HOXA1: variants seen among roughly 807,000 people sequenced by gnomAD.
The protein encoded by HOXA1 is homeobox protein Hox-A1.
HOXA1 carries 21 observed loss-of-function variants against 28.3 expected under a neutral mutation model. The ratio of observed to expected loss-of-function variants is 0.74; its 90% confidence interval spans 0.53 to 1.07. The LOEUF is 1.07. HOXA1 is among the 50% of genes least tolerant of loss of function. The pLI is 0.00. For synonymous variants in HOXA1, 208 were observed against 181.2 expected (o/e 1.15, Z -1.19); for missense variants, 446 against 434.3 (o/e 1.03, Z -0.24).
At position 27,095,501 on chromosome 7, in the gene HOXA1, G is replaced by A. The variant is rs2128033081; in HGVS notation, c.412C>T (p.Pro138Ser). 1 of 1,614,148 alleles carries A rather than the reference G, an allele frequency of 6.2e-7. No individual in the cohort carries two copies. Among genetic ancestry groups the A allele is most frequent in the African/African-American group, 1.3e-5 (1 of 75,028 alleles). ...TGGTGGTGGTGATGCTGGACCATGG[G>A]AGATGAGAGATTTCCAGAGTAAACA... ...PAVYSGNLSS[P>S]MVQHHHHHQG... Residue 138 changes from proline (P) to serine (S), a missense_variant, in exon 1 of 2, where the codon CCC becomes TCC. Transcript: ENST00000643460.
At position 27,094,587 on chromosome 7, in the gene HOXA1, A is replaced by G; in HGVS notation, c.861T>C (p.Arg287=). ...AGATGGGCAAGAGACCCTCCTTCTC[A>G]CGTTTCTTTTGCTTCATTCGGCGGT... is the stretch of plus-strand genomic sequence containing the variant. ...FQNRRMKQKK[R]EKEGLLPISP... is the part of the protein sequence containing the mutation. Residue 287 remains arginine (R), a synonymous_variant, in exon 2 of 2, where the codon CGT becomes CGC. Transcript: ENST00000643460. The G allele has an allele frequency of 6.2e-7, 1 of 1,614,172 alleles. No homozygotes were observed. The highest frequency in any genetic ancestry group is 1.6e-4 in the Middle Eastern group (1 of 6,062).
chr7:27,093,488 G>A lies in HOXA1; in HGVS notation c.*952C>T, dbSNP rs1783748063. 1 of 152,610 alleles carries A rather than the reference G, an allele frequency of 6.6e-6. No individual in the cohort carries two copies. The highest frequency in any genetic ancestry group is 6.5e-5 in the Admixed American group (1 of 15,276). The allele number at this position is 152,610 out of a possible 1,614,324, so 9.5% of individuals were successfully genotyped here. A position where few individuals can be genotyped will look rare whatever the true frequency, so the allele number is the denominator to read the frequency against. On this transcript the variant is annotated 3_prime_UTR_variant, in exon 2 of 2. Coordinates refer to ENST00000643460, the MANE Select transcript of HOXA1 (RefSeq NM_005522.5). ...ACTTTGGGGACATCAAACATTGTGC[G>A]ACATGCAAAAGACTATTCACGAATA...
rs1783790597 is a variant in HOXA1, at chr7:27,095,243, C to T, written c.652+18G>A. The T allele has an allele frequency of 6.2e-7, 1 of 1,613,610 alleles. No homozygotes were observed. The highest frequency in any genetic ancestry group is 8.5e-7 in the Non-Finnish European group (1 of 1,179,630). On this transcript the variant is annotated intron_variant, in intron 1 of 1. Coordinates refer to ENST00000643460, the MANE Select transcript of HOXA1 (RefSeq NM_005522.5). The stretch of plus-strand genomic sequence containing the variant: ...TTCCAGAATAATCAAGGAGCATCCA[C>T]CAACCAGCAGGACTGACCTGTTTTG...
intron 1 of HOXA1, 50 bp from the exon 2 acceptor site, chr7:27,094,845 C>G: frequency 7.2e-7 from 1 of 1,389,656 alleles, no homozygotes; most frequent in Non-Finnish European, 1.0e-6. Flanking sequence ...ATTTTTAAAT[C>G]GACTTGAGAT....
Position 27,095,330 on chromosome 7 carries a change from C to T in HOXA1, c.583G>A (p.Ala195Thr), listed in dbSNP as rs868863680. 2 of 1,613,560 alleles carry T rather than the reference C, an allele frequency of 1.2e-6. No individual in the cohort carries two copies. The highest frequency in any genetic ancestry group is 2.7e-5 in the African/African-American group (2 of 74,736). ...ASHQEACRSP[A>T]SETSSPAQTF... is the part of the protein sequence containing the mutation. ...TGCGCTGGAGAAGATGTCTCCGATG[C>T]GGGGGAGCGACAGGCTTCTTGGTGG... Residue 195 changes from alanine to threonine, a missense_variant, in exon 1 of 2, where the codon GCA becomes ACA. Ala to Thr is a moderately conservative substitution (Grantham distance 58, BLOSUM62 0). Coordinates refer to ENST00000643460, the MANE Select transcript of HOXA1 (RefSeq NM_005522.5).
chr7:27,095,156 A>T, intron 1 of HOXA1, 105 bp downstream of exon 1: 3 of 1,289,818 alleles, frequency 2.3e-6, no homozygotes, highest in Non-Finnish European at 3.3e-6. Context: ...CTAGTCTGAT[A>T]CAAAAGCCTT....
chr7:27,095,145 A>G, intron 1 of HOXA1, 116 bp downstream of exon 1: 1 of 1,159,296 alleles, frequency 8.6e-7, no homozygotes, highest in South Asian at 1.3e-5. Flanking sequence ...GCACTACAAC[A>G]CTAGTCTGAT....
rs370896322 is a variant in HOXA1, at chr7:27,095,826, G to C, written c.87C>G (p.Pro29=). ...GGAAAGTTGTAATCCTATGGTCCGA[G>C]GGGTAGGCTCGGGCTGAGCAGGTCC... ...DSGTCSARAY[P]SDHRITTFQS... The change falls in exon 1 of 2, where the codon CCC becomes CCG. Residue 29 remains proline, a synonymous_variant. Transcript: ENST00000643460. 118 of 1,614,044 alleles carry C rather than the reference G, an allele frequency of 7.3e-5. No homozygotes were observed. Among genetic ancestry groups the C allele is most frequent in the South Asian group, 2.9e-4 (26 of 91,084 alleles).
intron 1 of HOXA1, 129 bp downstream of exon 1, chr7:27,095,132 C>T: frequency 2.9e-6 from 3 of 1,022,544 alleles, no homozygotes; most frequent in Non-Finnish European, 4.5e-6. Flanking sequence ...GCACCCTCTC[C>T]ATGCACTACA....
chr7:27,093,191 G>C lies in HOXA1; in HGVS notation c.*1249C>G, dbSNP rs973397854. On this transcript the variant is annotated 3_prime_UTR_variant, in exon 2 of 2. Coordinates refer to ENST00000643460, the MANE Select transcript of HOXA1 (RefSeq NM_005522.5). ...GTTATTAACTTTTATTCAAGAAAAG[G>C]CCCATCTCTTTGAAAATATTTACCA... The C allele has an allele frequency of 2.0e-5, 3 of 152,514 alleles. No homozygotes were observed. Among genetic ancestry groups the C allele is most frequent in the African/African-American group, 7.2e-5 (3 of 41,398 alleles). 9.4% of individuals were successfully genotyped at this position (152,514 alleles called of 1,614,324 possible). A position where few individuals can be genotyped will look rare whatever the true frequency, so the allele number is the denominator to read the frequency against.
chr7:27,095,691 G>C lies in HOXA1; in HGVS notation c.222C>G (p.His74Gln), dbSNP rs370583131. 1.9e-6 allele frequency: 3 copies of C among 1,545,384 alleles called. No individual in the cohort carries two copies. Among genetic ancestry groups the C allele is most frequent in the South Asian group, 1.1e-5 (1 of 88,704 alleles). Reference protein sequence around the residue: ...PHHHHHHHHRHPQPATYQTSG... With the variant: ...PHHHHHHHHRQPQPATYQTSG... ...AAGTCTGGTAGGTAGCCGGCTGGGG[G>C]TGGCGATGGTGGTGGTGGTGGTGGT... Residue 74 changes from histidine to glutamine, a missense_variant, in exon 1 of 2, where the codon CAC (histidine) becomes CAG (glutamine). By Grantham distance (24) the His-to-Gln change is conservative (BLOSUM62 0). Coordinates refer to ENST00000643460, the MANE Select transcript of HOXA1 (RefSeq NM_005522.5).
chr7:27,095,775 A>G lies in HOXA1; in HGVS notation c.138T>C (p.Ser46=), dbSNP rs927780998. ...CTAGGAAGCGGTCGTCGCCGCCGCA[A>G]CTGTTGGCGCTGACCGCGCACGACT... ...TFQSCAVSAN[S]CGGDDRFLVG... The change falls in exon 1 of 2, where the codon AGT becomes AGC. Residue 46 remains serine, a synonymous_variant. Coordinates refer to ENST00000643460, the MANE Select transcript of HOXA1 (RefSeq NM_005522.5). 4 of 1,613,214 alleles carry G rather than the reference A, an allele frequency of 2.5e-6. No individual in the cohort carries two copies. The highest frequency in any genetic ancestry group is 2.2e-5 in the East Asian group (1 of 44,844).
In HOXA1 at chr7:27,094,453, G is replaced by A; in HGVS notation, c.995C>T (p.Thr332Ile). 1.2e-6 allele frequency: 2 copies of A among 1,613,226 alleles called. No homozygotes were observed. The highest frequency in any genetic ancestry group is 1.7e-6 in the Non-Finnish European group (2 of 1,179,194). Residue 332 changes from threonine to isoleucine, a missense_variant, in exon 2 of 2, where the codon ACT (threonine) becomes ATT (isoleucine). Physicochemically the swap from Thr to Ile is moderately conservative, Grantham distance 89. Transcript: ENST00000643460. ...SPGSSTSDTL[T>I]TSH Reference sequence around the variant, plus strand: ...GCTGGAGCCGCCTCAGTGGGAGGTAGTCAGAGTGTCTGAGGTAGAAGACCC... The same window carrying A: ...GCTGGAGCCGCCTCAGTGGGAGGTAATCAGAGTGTCTGAGGTAGAAGACCC...
Position 27,094,480 on chromosome 7 carries a change from G to C in HOXA1, c.968C>G (p.Pro323Arg). 6.2e-7 allele frequency: 1 copy of C among 1,614,176 alleles called. No homozygotes were observed. The highest frequency in any genetic ancestry group is 1.1e-5 in the South Asian group (1 of 91,076). ...KSSSSPCVPS[P>R]GSSTSDTLTT... ...CAGAGTGTCTGAGGTAGAAGACCCC[G>C]GGGAAGGAACGCAGGGCGAAGAGCT... Residue 323 changes from proline to arginine, a missense_variant, in exon 2 of 2, where the codon CCG becomes CGG. Physicochemically the swap from Pro to Arg is moderately radical, Grantham distance 103. Transcript: ENST00000643460.
At position 27,094,033 on chromosome 7, in the gene HOXA1, C is replaced by A. The variant is rs2128032496; in HGVS notation, c.*407G>T. ...CCTGAGCTCCTGGACTCGCCTTTCG[C>A]TATATCCTACTTTCAAGGACAAGGG... On this transcript the variant is annotated 3_prime_UTR_variant, in exon 2 of 2. Transcript: ENST00000643460. 1 of 203,024 alleles carries A rather than the reference C, an allele frequency of 4.9e-6. No individual in the cohort carries two copies. Among genetic ancestry groups the A allele is most frequent in the South Asian group, 9.3e-5 (1 of 10,704 alleles). The allele number at this position is 203,024 out of a possible 1,614,324, so 12.6% of individuals were successfully genotyped here.
Position 27,095,773 on chromosome 7 carries a change from C to A in HOXA1, c.140G>T (p.Cys47Phe), listed in dbSNP as rs746373446. 1.9e-6 allele frequency: 3 copies of A among 1,613,170 alleles called. No homozygotes were observed. Among genetic ancestry groups the A allele is most frequent in the Admixed American group, 1.7e-5 (1 of 59,986 alleles). ...CACTAGGAAGCGGTCGTCGCCGCCG[C>A]AACTGTTGGCGCTGACCGCGCACGA... ...FQSCAVSANS[C>F]GGDDRFLVGR... The change falls in exon 1 of 2, where the codon TGC (cysteine) becomes TTC (phenylalanine). Residue 47 changes from cysteine (C) to phenylalanine (F), a missense_variant. Coordinates refer to ENST00000643460, the MANE Select transcript of HOXA1 (RefSeq NM_005522.5).
Position 27,095,364 on chromosome 7 carries a change from G to T in HOXA1, c.549C>A (p.Leu183=), listed in dbSNP as rs778780253. 3.2e-5 allele frequency: 51 copies of T among 1,613,946 alleles called. No homozygotes were observed. The East Asian group carries it at 9.8e-4, about 31-fold the overall frequency. ...LATYNNSLSP[L]HASHQEACRS... ...GACAGGCTTCTTGGTGGCTGGCGTG[G>T]AGAGGGGACAAGGAGTTATTATACG... Residue 183 remains leucine (L), a synonymous_variant, in exon 1 of 2, where the codon CTC becomes CTA. Coordinates refer to ENST00000643460, the MANE Select transcript of HOXA1 (RefSeq NM_005522.5).
At position 27,093,073 on chromosome 7, in the gene HOXA1, A is replaced by G. The variant is rs1028403560; in HGVS notation, c.*1367T>C. On this transcript the variant is annotated 3_prime_UTR_variant, in exon 2 of 2. Coordinates refer to ENST00000643460, the MANE Select transcript of HOXA1 (RefSeq NM_005522.5). ...GAAAAGGTTAGCACTTGACCCAGGA[A>G]GTATCCATGTTTGTTTCAAAAATAA... 4.6e-5 allele frequency: 7 copies of G among 152,648 alleles called. No individual in the cohort carries two copies. The highest frequency in any genetic ancestry group is 1.0e-4 in the Non-Finnish European group (7 of 68,032). The allele number at this position is 152,648 out of a possible 1,614,324, so 9.5% of individuals were successfully genotyped here. A position where few individuals can be genotyped will look rare whatever the true frequency, so the allele number is the denominator to read the frequency against.
At position 27,095,959 on chromosome 7, in the gene HOXA1, A is replaced by G; in HGVS notation, c.-47T>C. The G allele has an allele frequency of 5.9e-6, 9 of 1,535,382 alleles. No individual in the cohort carries two copies. The highest frequency in any genetic ancestry group is 8.1e-6 in the Non-Finnish European group (9 of 1,117,450). On this transcript the variant is annotated 5_prime_UTR_variant, in exon 1 of 2. Transcript: ENST00000643460. The stretch of plus-strand genomic sequence containing the variant: ...CTGCGAAGCCCGGCGTGACTGTGCC[A>G]ACTTTCTCACTTCCTCCATGGGGCC...
Sources: allele counts gnomAD v4.1 joint callset, GRCh38; gene constraint gnomAD v4.1.1; transcripts MANE v1.5; gene names NCBI Gene and HGNC (gene_info 2026-07-23, HGNC 2026-07-21).